FHIT: variants seen among roughly 807,000 people sequenced by gnomAD.
FHIT encodes bis(5'-adenosyl)-triphosphatase.
Under a neutral mutation model 17.9 loss-of-function variants are expected in FHIT, and 19 were observed. That is an observed-to-expected ratio of 1.06 (90% CI 0.74 to 1.56). FHIT has a LOEUF of 1.56. Among genes scored for constraint, FHIT ranks in the 40% most tolerant of loss-of-function variants. The pLI is 0.00. For missense variants in FHIT, 248 were observed against 189.2 expected, an observed-to-expected ratio of 1.31 and a Z score of -1.82; for synonymous variants, 81 against 69.7, an observed-to-expected ratio of 1.16 and a Z score of -0.81.
At chr3:61,172,808 A>G (rs1271224213) in intron 2 of FHIT, among the ~76,000 whole-genome samples, 1 of 145,386 alleles carries the variant, frequency 6.9e-6, no homozygotes. Flanking sequence ...CACTGATGCC[A>G]GTTCTCTCTG....
Position 59,752,243 on chromosome 3 carries a change from G to C in FHIT, c.427C>G (p.Arg143Gly), listed in dbSNP as rs202025546. The C allele has an allele frequency of 6.2e-7, 1 of 1,612,600 alleles. No homozygotes were observed. The highest frequency in any genetic ancestry group is 1.3e-5 in the African/African-American group (1 of 74,948). Residue 143 changes from arginine to glycine, a missense_variant, in exon 9 of 10, where the codon CGG (arginine) becomes GGG (glycine). By Grantham distance (125) the Arg-to-Gly change is moderately radical (BLOSUM62 -2). Transcript: ENST00000492590. ...EEMAAEAAALRVYFQ is the reference protein window; with the variant it reads ...EEMAAEAAALGVYFQ ...TACCTGTGTCACTGAAAGTAGACCC[G>C]CAGAGCTGCGGCTTCTGCTGCCATT...
intron 5 of FHIT, among the ~76,000 whole-genome samples, chr3:60,176,798 T>C (rs888201542): frequency 6.6e-6 from 1 of 152,132 alleles, no homozygotes; most frequent in African/African-American, 2.4e-5. Flanking sequence ...GCGTCAATCA[T>C]GAGCCGATGG....
chr3:60,614,139 G>A (rs1559582788), intron 4 of FHIT, among the ~76,000 whole-genome samples: 1 of 152,076 alleles, frequency 6.6e-6, no homozygotes, highest in Non-Finnish European at 1.5e-5. Context: ...GGAAGTAGGT[G>A]CCCACTGAGA....
chr3:59,747,843 A>G lies in FHIT; in HGVS notation c.*1742T>C, dbSNP rs1039077822. 1.3e-5 allele frequency among the ~76,000 whole-genome samples: 2 copies of G among 152,102 alleles called. No individual in the cohort carries two copies. The highest frequency in any genetic ancestry group is 1.5e-5 in the Non-Finnish European group (1 of 68,000). On this transcript the variant is annotated 3_prime_UTR_variant, in exon 10 of 10. Transcript: ENST00000492590. ...AGGAGTACTGGTTTAGGGTTGAAGC[A>G]AGTCTAAAGCCAGCTTGCTCTGGGT... is the stretch of plus-strand genomic sequence containing the variant.
At chr3:60,014,715 G>A (rs1331863974) in intron 5 of FHIT, among the ~76,000 whole-genome samples, 1 of 152,222 alleles carries the variant, frequency 6.6e-6, no homozygotes, top group Non-Finnish European at 1.5e-5. Context: ...ATAACTAAGA[G>A]AGGTGCCATG....
chr3:61,179,008 C>CTTTTTTTTTTT (rs778191387), intron 2 of FHIT, among the ~76,000 whole-genome samples: 8 of 127,622 alleles, frequency 6.3e-5, no homozygotes, highest in African/African-American at 9.3e-5. Context: ...TTTTCTTTTT[C>CTTTTTTTTTTT]TTTTTTTTTT....
At chr3:59,896,492 C>A (rs9311737) in intron 8 of FHIT, among the ~76,000 whole-genome samples, 3,327 of 152,206 alleles carry the variant, frequency 0.022, 121 homozygotes, top group African/African-American at 0.075. Flanking sequence ...GTTCATCTAG[C>A]ACCAAGAGTA....
intron 4 of FHIT, among the ~76,000 whole-genome samples, chr3:60,722,626 G>T (rs2107966851): frequency 6.6e-6 from 1 of 150,670 alleles, no homozygotes; most frequent in Middle Eastern, 3.4e-3. Flanking sequence ...ACCCCCAGTT[G>T]TGACAACAAA....
chr3:60,943,525 C>T (rs1553775012), intron 3 of FHIT, among the ~76,000 whole-genome samples: 1 of 152,122 alleles, frequency 6.6e-6, no homozygotes, highest in East Asian at 1.9e-4. Flanking sequence ...TCCTTGTAAA[C>T]AGTTAAAGAG....
chr3:61,227,259 G>A (rs1398134745), intron 1 of FHIT, among the ~76,000 whole-genome samples: 1 of 152,092 alleles, frequency 6.6e-6, no homozygotes, highest in Non-Finnish European at 1.5e-5. Flanking sequence ...GGGACTTATT[G>A]TCTTTCCTTA....
chr3:60,311,955 T>C (rs1708967601), intron 5 of FHIT, among the ~76,000 whole-genome samples: 3 of 152,146 alleles, frequency 2.0e-5, no homozygotes, highest in Non-Finnish European at 1.5e-5. Context: ...CCTAAGGTAA[T>C]ACAGTATAAT....
At chr3:60,405,675 A>T (rs1334740323) in intron 5 of FHIT, among the ~76,000 whole-genome samples, 1 of 152,230 alleles carries the variant, frequency 6.6e-6, no homozygotes, top group Non-Finnish European at 1.5e-5. Flanking sequence ...AAAGAGACCA[A>T]GAAAAATCCT....
chr3:60,990,527 T>A (rs1223216869), intron 3 of FHIT, among the ~76,000 whole-genome samples: 3 of 152,374 alleles, frequency 2.0e-5, no homozygotes, highest in African/African-American at 2.4e-5. Context: ...TTGTTATGAT[T>A]TGTGTCACAT....
In FHIT at chr3:60,548,161, GAGAGAC is replaced by G. The variant is rs1559530096; in HGVS notation, c.-17-11188_-17-11183del. Among the ~76,000 whole-genome samples, 905 of 138,058 alleles carry G rather than the reference GAGAGAC, an allele frequency of 6.6e-3. 16 individuals are homozygous for G. The highest frequency in any genetic ancestry group is 0.023 in the African/African-American group (866 of 36,970). The allele number at this position is 138,058 out of a possible 152,430, so 90.6% of individuals were successfully genotyped here. ...AGAGAGAGCGAGAGAGAGAGAGAGA[GAGAGAC>G]ACTCTTCATAGAGAATATTATTCAA... On this transcript the variant is annotated intron_variant, in intron 4 of 9. Transcript: ENST00000492590.
At chr3:59,816,231 G>A (rs1479629977) in intron 8 of FHIT, among the ~76,000 whole-genome samples, 1 of 152,152 alleles carries the variant, frequency 6.6e-6, no homozygotes, top group African/African-American at 2.4e-5. Context: ...CCTTGCTCTT[G>A]GGCTTGTTGG....
chr3:59,932,468 G>C (rs1437190056), intron 7 of FHIT, among the ~76,000 whole-genome samples: 1 of 152,142 alleles, frequency 6.6e-6, no homozygotes, highest in Non-Finnish European at 1.5e-5. Flanking sequence ...GGAGAAAGAG[G>C]GGAATGGCAT....
At chr3:61,104,772 A>T (rs1353854988) in intron 2 of FHIT, among the ~76,000 whole-genome samples, 4 of 151,990 alleles carry the variant, frequency 2.6e-5, no homozygotes, top group East Asian at 1.9e-4. Flanking sequence ...ATTCTTTCTC[A>T]TTCTTTTTTC....
chr3:60,523,345 A>C (rs549154873), intron 5 of FHIT, among the ~76,000 whole-genome samples: 1 of 152,250 alleles, frequency 6.6e-6, no homozygotes, highest in East Asian at 1.9e-4. Context: ...AAGCACTTAA[A>C]TCTTACTCTA....
At chr3:60,447,127 C>T (rs1209201871) in intron 5 of FHIT, among the ~76,000 whole-genome samples, 1 of 152,024 alleles carries the variant, frequency 6.6e-6, no homozygotes, top group Non-Finnish European at 1.5e-5. Flanking sequence ...GAAAAGCAGC[C>T]TGTGGACTCC....
Sources: gnomAD v4.1 joint callset for allele counts (sites outside exome capture counted in the v4.1 genomes callset) on GRCh38, gnomAD v4.1.1 for gene constraint, MANE v1.5 for transcripts, NCBI Gene and HGNC (gene_info 2026-07-23, HGNC 2026-07-21) for gene names.